The following MATN3 variants were observed in gnomAD, a reference collection of about 807,000 sequenced individuals.
MATN3 encodes the protein matrilin 3.
MATN3 carries 48 observed loss-of-function variants against 45.3 expected under a neutral mutation model. The observed-to-expected ratio is 1.06, with a 90% CI of 0.84 to 1.35. The LOEUF (loss-of-function observed/expected upper bound fraction) is 1.35. Among genes scored for constraint, MATN3 ranks in the 40% most tolerant of loss-of-function variants. The pLI is 0.00. For missense variants in MATN3, 599 were observed against 628.0 expected (o/e 0.95, Z 0.49); for synonymous variants, 217 against 245.9 (o/e 0.88, Z 1.10).
chr2:20,010,218 G>T (rs1673194298), intron 1 of MATN3, among the ~76,000 whole-genome samples: 1 of 152,046 alleles, frequency 6.6e-6, no homozygotes, highest in African/African-American at 2.4e-5. Context: ...AAAAGGTGGG[G>T]GTAACATGAA....
chr2:20,002,263 G>C (rs1378159292), intron 3 of MATN3, among the ~76,000 whole-genome samples, 183 bp from the exon 4 acceptor site: 1 of 152,028 alleles, frequency 6.6e-6, no homozygotes, highest in Admixed American at 6.6e-5. Context: ...CTTTCACTAA[G>C]AGACCCTGTG....
intron 1 of MATN3, among the ~76,000 whole-genome samples, chr2:20,008,863 A>G (rs1673163810): frequency 6.6e-6 from 1 of 152,140 alleles, no homozygotes; most frequent in Non-Finnish European, 1.5e-5. Context: ...GTATTCAGTA[A>G]ACATCCTGCT....
chr2:20,006,169 AC>A lies in MATN3; in HGVS notation c.364del (p.Val122TrpfsTer4). 6.2e-7 allele frequency: 1 copy of A among 1,613,872 alleles called. No homozygotes were observed. Among genetic ancestry groups the A allele is most frequent in the Non-Finnish European group, 8.5e-7 (1 of 1,179,870 alleles). On this transcript the variant is annotated frameshift_variant, in exon 2 of 8. Coordinates refer to ENST00000407540, the MANE Select transcript of MATN3 (RefSeq NM_002381.5). LOFTEE classifies it high-confidence loss of function. Reference sequence around the variant, plus strand: ...AGTGCTAGCATAGTTCACCACTGCCACCCGCGTGTCGGCTGGCCCAATGTCC... The same window carrying A: ...AGTGCTAGCATAGTTCACCACTGCCACCGCGTGTCGGCTGGCCCAATGTCC... ...TLDIGPADTR[V>X]AVVNYASTVK...
At chr2:20,006,650 T>C (rs1165012673) in intron 1 of MATN3, among the ~76,000 whole-genome samples, 1 of 152,204 alleles carries the variant, frequency 6.6e-6, no homozygotes, top group African/African-American at 2.4e-5. Context: ...ACACATTTCT[T>C]AAGTACCTTG....
rs1247085339 is a variant in MATN3, at chr2:20,010,064, T to TCCAAAAAAAAAAAAAAAAAAA, written c.223+2344_223+2345insTTTTTTTTTTTTTTTTTTTGG. Among the ~76,000 whole-genome samples the TCCAAAAAAAAAAAAAAAAAAA allele has an allele frequency of 1.4e-3, 15 of 10,772 alleles. 2 individuals carry two copies. Among genetic ancestry groups the TCCAAAAAAAAAAAAAAAAAAA allele is most frequent in the Non-Finnish European group, 1.9e-3 (15 of 7,716 alleles). 7.1% of individuals were successfully genotyped at this position (10,772 alleles called of 152,430 possible). On this transcript the variant is annotated intron_variant, in intron 1 of 7. Coordinates refer to ENST00000407540, the MANE Select transcript of MATN3 (RefSeq NM_002381.5). ...TTGTCTCAGAATAAATCTCTTCAAA[T>TCCAAAAAAAAAAAAAAAAAAA]ACTAAAAAAAAAAAAAAAAAAAAAA...
At position 20,012,328 on chromosome 2, in the gene MATN3, C is replaced by A; in HGVS notation, c.223+81G>T. The A allele has an allele frequency of 9.0e-7, 1 of 1,108,068 alleles. No homozygotes were observed. Among genetic ancestry groups the A allele is most frequent in the Non-Finnish European group, 1.1e-6 (1 of 877,526 alleles). The allele number at this position is 1,108,068 out of a possible 1,614,324, so 68.6% of individuals were successfully genotyped here. On this transcript the variant is annotated intron_variant, in intron 1 of 7. Transcript: ENST00000407540. This position sits in a 1 kb window ranked among gnomAD's most constrained non-coding sequence, Gnocchi z 4.3. ...CCCCCGCACCACGGTCGGCCTGAGG[C>A]CGGGATGAAGCGCGCTTGGTGGATG...
rs1366563847 is a variant in MATN3, at chr2:20,006,214, GA to G, written c.319del (p.Ser107ProfsTer3). On this transcript the variant is annotated frameshift_variant, in exon 2 of 8. Transcript: ENST00000407540. LOFTEE classifies it high-confidence loss of function. Reference sequence around the variant, plus strand: ...AATGTCCAGAGTGTCGATTATCCGGGAGACAAAAGTTTTCACTTTGGTGAAT... The same window carrying G: ...AATGTCCAGAGTGTCGATTATCCGGGGACAAAAGTTTTCACTTTGGTGAAT... The part of the protein sequence containing the change: ...LEFTKVKTFV[S>X]RIIDTLDIGP... The G allele has an allele frequency of 1.9e-6, 3 of 1,613,284 alleles. No homozygotes were observed. In the African/African-American group the frequency reaches 4.0e-5, roughly 22 times the overall value.
Position 20,012,528 on chromosome 2 carries a change from C to G in MATN3, c.104G>C (p.Gly35Ala), listed in dbSNP as rs556961636. The change falls in exon 1 of 8, where the codon GGC becomes GCC. Residue 35 changes from glycine (G) to alanine (A), a missense_variant. By Grantham distance (60) the Gly-to-Ala change is moderately conservative. Coordinates refer to ENST00000407540, the MANE Select transcript of MATN3 (RefSeq NM_002381.5). This position sits in a 1 kb window ranked among gnomAD's most constrained non-coding sequence, Gnocchi z 4.3. ...SAAPDPVARP[G>A]FRRLETRGPG... ...ACCTCGGGTCTCCAGCCTCCGGAAG[C>G]CCGGGCGGGCCACGGGGTCGGGGGC... The G allele has an allele frequency of 2.4e-6, 3 of 1,227,112 alleles. No individual in the cohort carries two copies. Among genetic ancestry groups the G allele is most frequent in the Non-Finnish European group, 3.0e-6 (3 of 985,228 alleles). The allele number at this position is 1,227,112 out of a possible 1,614,324, so 76.0% of individuals were successfully genotyped here. A position where few individuals can be genotyped will look rare whatever the true frequency, so the allele number is the denominator to read the frequency against.
rs200762092 is a variant in MATN3, at chr2:20,006,008, C to G, written c.526G>C (p.Val176Leu). ...GAGGGCTCTCGAGCCCCTGCCTCCACTGTGAAGGCTTCGTCCATTGCTGTC... is the reference window on the plus strand; with the variant it reads ...GAGGGCTCTCGAGCCCCTGCCTCCAGTGTGAAGGCTTCGTCCATTGCTGTC... ...IQTAMDEAFT[V>L]EAGAREPSSN... is the part of the protein sequence containing the mutation. Residue 176 changes from valine (V) to leucine (L), a missense_variant, in exon 2 of 8, where the codon GTG (valine) becomes CTG (leucine). By Grantham distance (32) the Val-to-Leu change is conservative. Coordinates refer to ENST00000407540, the MANE Select transcript of MATN3 (RefSeq NM_002381.5). The G allele has an allele frequency of 3.1e-6, 5 of 1,613,924 alleles. No homozygotes were observed. In the African/African-American group the frequency reaches 6.7e-5, roughly 22 times the overall value.
chr2:20,006,074 T>A lies in MATN3; in HGVS notation c.460A>T (p.Thr154Ser), dbSNP rs752689901. The change falls in exon 2 of 8, where the codon ACA (threonine) becomes TCA (serine). Residue 154 changes from threonine (T) to serine (S), a missense_variant. Thr to Ser is a moderately conservative substitution (Grantham distance 58). Coordinates refer to ENST00000407540, the MANE Select transcript of MATN3 (RefSeq NM_002381.5). ...GACATGGTGCCTGTTGACAAGGGTGTGATTCGACCCACGGCCTGCTTCAGG... is the reference window on the plus strand; with the variant it reads ...GACATGGTGCCTGTTGACAAGGGTGAGATTCGACCCACGGCCTGCTTCAGG... The part of the protein sequence containing the change: ...QSLKQAVGRI[T>S]PLSTGTMSGL... The A allele has an allele frequency of 2.5e-6, 4 of 1,613,906 alleles. No individual in the cohort carries two copies. Among genetic ancestry groups the A allele is most frequent in the African/African-American group, 1.3e-5 (1 of 74,930 alleles).
intron 3 of MATN3, among the ~76,000 whole-genome samples, chr2:20,002,812 C>T (rs1264869585): frequency 1.3e-5 from 2 of 151,824 alleles, no homozygotes; most frequent in East Asian, 1.9e-4. Context: ...ACCATGTTCT[C>T]GAGGCTAATC....
chr2:20,010,653 C>G (rs1260153766), intron 1 of MATN3, among the ~76,000 whole-genome samples: 1 of 152,156 alleles, frequency 6.6e-6, no homozygotes, highest in Non-Finnish European at 1.5e-5. Flanking sequence ...AACTCAGCAG[C>G]CTTCATGCGG....
chr2:19,993,253 T>C, intron 7 of MATN3, 87 bp from the exon 8 acceptor site: 1 of 1,014,426 alleles, frequency 9.9e-7, no homozygotes. Flanking sequence ...GATAAAATAA[T>C]TATGTCCTAT....
At position 19,998,215 on chromosome 2, in the gene MATN3, C is replaced by T. The variant is rs1296248222; in HGVS notation, c.1169-956G>A. On this transcript the variant is annotated intron_variant, in intron 5 of 7. Coordinates refer to ENST00000407540, the MANE Select transcript of MATN3 (RefSeq NM_002381.5). ...ATATGGCTATTCCCTTTCAGTGCTA[C>T]AATTTAGATTTTTTTTTCAGCAAAA... Among the ~76,000 whole-genome samples, 5 of 151,532 alleles carry T rather than the reference C, an allele frequency of 3.3e-5. No homozygotes were observed. The South Asian group carries it at 6.2e-4, about 19-fold the overall frequency.
intron 4 of MATN3, among the ~76,000 whole-genome samples, chr2:20,001,591 TC>T (rs1411087031): frequency 2.6e-5 from 4 of 152,186 alleles, no homozygotes; most frequent in African/African-American, 9.7e-5. Context: ...TTAACTTTGA[TC>T]ACTTAGTTAA....
chr2:19,992,216 T>C lies in MATN3; in HGVS notation c.*895A>G, dbSNP rs1376863822. 6.6e-6 allele frequency: 1 copy of C among 152,132 alleles called. No homozygotes were observed. Among genetic ancestry groups the C allele is most frequent in the Admixed American group, 6.5e-5 (1 of 15,280 alleles). The allele number at this position is 152,132 out of a possible 1,614,324, so 9.4% of individuals were successfully genotyped here. ...ACTGTTTTGTTCTCAAAGTTGCAAG[T>C]TTCAAAGCCAAAAGAATTATATGTA... On this transcript the variant is annotated 3_prime_UTR_variant, in exon 8 of 8. Transcript: ENST00000407540.
chr2:19,996,666 G>T (rs1672875132), intron 6 of MATN3, among the ~76,000 whole-genome samples: 1 of 152,142 alleles, frequency 6.6e-6, no homozygotes, highest in Non-Finnish European at 1.5e-5. Flanking sequence ...AGTTTTAAAA[G>T]CCAGGATGAG....
chr2:20,006,381 G>A, intron 1 of MATN3, 71 bp from the exon 2 acceptor site: 2 of 1,226,230 alleles, frequency 1.6e-6, no homozygotes, highest in South Asian at 1.6e-5. Context: ...AGAACTCTGG[G>A]ATTCCAGGAG....
At position 20,003,207 on chromosome 2, in the gene MATN3, C is replaced by T. The variant is rs1457826137; in HGVS notation, c.870G>A (p.Glu290=). 1 of 1,614,026 alleles carries T rather than the reference C, an allele frequency of 6.2e-7. No individual in the cohort carries two copies. The highest frequency in any genetic ancestry group is 8.5e-7 in the Non-Finnish European group (1 of 1,179,884). The change falls in exon 3 of 8, where the codon GAG becomes GAA. Residue 290 remains glutamate, a synonymous_variant. Transcript: ENST00000407540. ...ISDGEGKHHC[E]CSQGYTLNAD... ...CATTCAAGGTGTATCCTTGGCTACA[C>T]TCACAGTGGTGCTTGCCTTCCCCAT...
Sources: allele counts gnomAD v4.1 joint callset (sites outside exome capture counted in the v4.1 genomes callset), GRCh38; gene constraint gnomAD v4.1.1; non-coding constraint Gnocchi (gnomAD v3.1); transcripts MANE v1.5; gene names NCBI Gene and HGNC (gene_info 2026-07-23, HGNC 2026-07-21).